SPECC1: variants seen among roughly 807,000 people sequenced by gnomAD.
SPECC1 encodes the protein sperm antigen with calponin homology and coiled-coil domains 1, also known as cytospin-B.
In SPECC1, 62 loss-of-function variants were observed where a neutral mutation model predicts 104.1. The ratio of observed to expected loss-of-function variants is 0.60; its 90% confidence interval spans 0.49 to 0.74. The LOEUF (loss-of-function observed/expected upper bound fraction) is 0.74. SPECC1 is among the 30% of genes least tolerant of loss of function. The probability of loss-of-function intolerance (pLI) is 0.00; values close to 1 mark genes in which losing one functional copy is unlikely to be tolerated. For synonymous variants in SPECC1, 513 were observed against 501.6 expected, an observed-to-expected ratio of 1.02 and a Z score of -0.30; for missense variants, 1,306 against 1,310.5, an observed-to-expected ratio of 1.00 and a Z score of 0.05.
chr17:20,282,809 A>C (rs2040819520), intron 12 of SPECC1, among the ~76,000 whole-genome samples: 1 of 152,212 alleles, frequency 6.6e-6, no homozygotes, highest in Admixed American at 6.5e-5. Flanking sequence ...ATTTTTTTAA[A>C]TCTTAAAAGA....
intron 1 of SPECC1, chr17:20,017,695 C>T (rs868405262): frequency 2.6e-5 from 4 of 152,232 alleles, no homozygotes; most frequent in South Asian, 2.1e-4. Context: ...CTCCATTTCT[C>T]CTTTTTTGCA....
At chr17:20,288,995 G>A (rs2041062207) in intron 12 of SPECC1, among the ~76,000 whole-genome samples, 1 of 151,992 alleles carries the variant, frequency 6.6e-6, no homozygotes, top group South Asian at 2.1e-4. Flanking sequence ...ATCTTGGCCA[G>A]GCTAGTCTTG....
intron 10 of SPECC1, among the ~76,000 whole-genome samples, chr17:20,256,301 G>T (rs1022732069): frequency 3.9e-5 from 6 of 152,032 alleles, no homozygotes; most frequent in African/African-American, 1.4e-4. Flanking sequence ...TGTCTGCTTG[G>T]ATGATTATAT....
intron 3 of SPECC1, among the ~76,000 whole-genome samples, chr17:20,149,792 G>C (rs1284603055): frequency 1.3e-5 from 2 of 152,004 alleles, no homozygotes; most frequent in Non-Finnish European, 2.9e-5. Context: ...AGTAAACTTA[G>C]GCAAGTTACT....
intron 1 of SPECC1, among the ~76,000 whole-genome samples, chr17:20,038,095 C>T (rs1417780612): frequency 2.0e-5 from 3 of 151,848 alleles, no homozygotes; most frequent in African/African-American, 2.4e-5. Context: ...ACTGGTAATC[C>T]GTGTCTTCTT....
At chr17:20,085,998 G>A (rs1405062451) in intron 1 of SPECC1, among the ~76,000 whole-genome samples, 1 of 152,222 alleles carries the variant, frequency 6.6e-6, no homozygotes, top group Non-Finnish European at 1.5e-5. Context: ...ATGTCCCCAA[G>A]GAGTGAAGCA....
At chr17:20,121,873 A>G (rs959679478) in intron 3 of SPECC1, among the ~76,000 whole-genome samples, 1 of 152,188 alleles carries the variant, frequency 6.6e-6, no homozygotes, top group Non-Finnish European at 1.5e-5. Context: ...GTTCTGACAA[A>G]TGTTTCTGAC....
chr17:20,181,870 CCT>C (rs2034915125), intron 3 of SPECC1, among the ~76,000 whole-genome samples: 1 of 151,720 alleles, frequency 6.6e-6, no homozygotes, highest in African/African-American at 2.4e-5. Flanking sequence ...TAAAACAAGA[CCT>C]GAGATAATGG....
intron 1 of SPECC1, among the ~76,000 whole-genome samples, chr17:20,088,224 G>T (rs543729887): frequency 6.6e-6 from 1 of 152,148 alleles, no homozygotes; most frequent in African/African-American, 2.4e-5. Flanking sequence ...TGATTTTTGT[G>T]TACGTGTCTT....
intron 12 of SPECC1, among the ~76,000 whole-genome samples, chr17:20,274,639 C>CAA (rs2040518837): frequency 6.6e-6 from 1 of 151,340 alleles, no homozygotes; most frequent in Non-Finnish European, 1.5e-5. Context: ...TGCCACCACA[C>CAA]CTGGCTAATT....
chr17:20,233,313 C>G (rs904154924), intron 7 of SPECC1, among the ~76,000 whole-genome samples: 1 of 152,142 alleles, frequency 6.6e-6, no homozygotes, highest in East Asian at 1.9e-4. Context: ...GTGGCTAGCT[C>G]CTGAGCCTTT....
At chr17:20,296,921 T>C (rs754691206) in intron 12 of SPECC1, 40 bp from the exon 13 acceptor site, 2 of 1,580,428 alleles carry the variant, frequency 1.3e-6, no homozygotes, top group East Asian at 4.5e-5. Flanking sequence ...CTGCACAGTT[T>C]GCAATAGTTC....
At position 20,131,633 on chromosome 17, in the gene SPECC1, CTTCT is replaced by C. The variant is rs1369541147; in HGVS notation, c.283+21073_283+21076del. Among the ~76,000 whole-genome samples, 5 of 145,586 alleles carry C rather than the reference CTTCT, an allele frequency of 3.4e-5. No homozygotes were observed. The East Asian group carries it at 1.0e-3, about 29-fold the overall frequency. On this transcript the variant is annotated intron_variant, in intron 3 of 14. Transcript: ENST00000395527. ...CTGATCTACGTGGAAAGCATTCAGT[CTTCT>C]TCTTTTTTTTTTTTTTTTTTTGCTT...
In SPECC1 at chr17:20,296,889, A is replaced by G. The variant is rs554272908; in HGVS notation, c.2941-72A>G. ...ATTTTGTGTAGATTCCCATCTTATC[A>G]CAATCTTCCTCATCTGTGATACTGC... On this transcript the variant is annotated intron_variant, in intron 12 of 14. Coordinates refer to ENST00000395527, the MANE Select transcript of SPECC1 (RefSeq NM_001243439.2). The G allele has an allele frequency of 1.0e-5, 14 of 1,386,342 alleles. No homozygotes were observed. The South Asian group carries it at 1.7e-4, about 17-fold the overall frequency. 85.9% of individuals were successfully genotyped at this position (1,386,342 alleles called of 1,614,324 possible). A position where few individuals can be genotyped will look rare whatever the true frequency, so the allele number is the denominator to read the frequency against.
intron 3 of SPECC1, among the ~76,000 whole-genome samples, chr17:20,194,325 C>T (rs1210878993): frequency 6.7e-6 from 1 of 150,246 alleles, no homozygotes; most frequent in Non-Finnish European, 1.5e-5. Context: ...TTACTTACCC[C>T]AAGTCAGAAA....
At chr17:20,156,380 G>A in intron 3 of SPECC1, 1 of 977,536 alleles carries the variant, frequency 1.0e-6, no homozygotes, top group Non-Finnish European at 1.3e-6. Context: ...TCGTTGGAAT[G>A]CGCCGCTTGG....
intron 3 of SPECC1, among the ~76,000 whole-genome samples, chr17:20,147,250 T>C (rs139871381): frequency 0.012 from 1,860 of 152,218 alleles, 22 homozygotes; most frequent in Non-Finnish European, 0.02. Context: ...TTTGTATTTT[T>C]AGTAAAGACA....
At chr17:20,115,228 A>T (rs1263695564) in intron 3 of SPECC1, among the ~76,000 whole-genome samples, 1 of 152,172 alleles carries the variant, frequency 6.6e-6, no homozygotes, top group African/African-American at 2.4e-5. Flanking sequence ...TAATCCCAGC[A>T]CTTTGGGAGG....
chr17:20,176,248 T>C (rs771590945), intron 3 of SPECC1, among the ~76,000 whole-genome samples: 2 of 152,238 alleles, frequency 1.3e-5, no homozygotes, highest in Non-Finnish European at 2.9e-5. Flanking sequence ...TTAATAAATG[T>C]TAAATAAATT....
Sources: gnomAD v4.1 joint callset for allele counts (sites outside exome capture counted in the v4.1 genomes callset) on GRCh38, gnomAD v4.1.1 for gene constraint, MANE v1.5 for transcripts, NCBI Gene and HGNC (gene_info 2026-07-23, HGNC 2026-07-21) for gene names.